The following KCNS3 variants were observed in gnomAD, a reference collection of about 807,000 sequenced individuals.
KCNS3 encodes potassium voltage-gated channel modifier subfamily S member 3, also known as delayed-rectifier potassium channel regulatory subunit KCNS3.
A neutral mutation model predicts 31.0 loss-of-function variants in KCNS3; 13 were observed. The ratio of observed to expected loss-of-function variants is 0.42; its 90% CI spans 0.27 to 0.67. The LOEUF (loss-of-function observed/expected upper bound fraction) is 0.67. Among genes scored for constraint, KCNS3 ranks in the 30% least tolerant of loss-of-function variants. KCNS3 has a pLI of 0.25. For missense variants in KCNS3, 545 were observed against 622.4 expected, an observed-to-expected ratio of 0.88 and a Z score of 1.32; for synonymous variants, 238 against 241.5, an observed-to-expected ratio of 0.99 and a Z score of 0.13.
At chr2:17,919,793 T>G (rs1662672703) in intron 2 of KCNS3, among the ~76,000 whole-genome samples, 1 of 152,124 alleles carries the variant, frequency 6.6e-6, no homozygotes, top group Admixed American at 6.5e-5. Context: ...CCTTCCTCAG[T>G]GGACTGGGCT....
At chr2:17,902,666 A>G (rs1445254509) in intron 1 of KCNS3, among the ~76,000 whole-genome samples, 2 of 152,134 alleles carry the variant, frequency 1.3e-5, no homozygotes, top group African/African-American at 4.8e-5. Context: ...ATGCCTTAAG[A>G]TGGGTAATTT....
Position 17,888,631 on chromosome 2 carries a change from A to ATATCTATATCTATCTATC in KCNS3, c.-252+9828_-252+9829insCTATATCTATCTATCTAT, listed in dbSNP as rs199928504. Among the ~76,000 whole-genome samples, 6 of 30,432 alleles carry ATATCTATATCTATCTATC rather than the reference A, an allele frequency of 2.0e-4. No homozygotes were observed. In the East Asian group the frequency reaches 2.4e-3, roughly 12 times the overall value. The allele number at this position is 30,432 out of a possible 152,430, so 20.0% of individuals were successfully genotyped here. On this transcript the variant is annotated intron_variant, in intron 1 of 2. Coordinates refer to ENST00000304101, the MANE Select transcript of KCNS3 (RefSeq NM_002252.5). ...ACTTAAAGTATAATAAAAAAAATGT[A>ATATCTATATCTATCTATC]TATATATATATATATATATATATAT...
intron 1 of KCNS3, among the ~76,000 whole-genome samples, chr2:17,887,093 A>T (rs1195810033): frequency 7.0e-6 from 1 of 143,576 alleles, no homozygotes; most frequent in Non-Finnish European, 1.5e-5. Context: ...TTATTTTATT[A>T]TTTTTTCTCT....
chr2:17,922,291 T>A (rs1662736259), intron 2 of KCNS3, among the ~76,000 whole-genome samples: 1 of 151,986 alleles, frequency 6.6e-6, no homozygotes, highest in Non-Finnish European at 1.5e-5. Flanking sequence ...AGATCTATTA[T>A]TTTATTATGA....
At position 17,932,598 on chromosome 2, in the gene KCNS3, C is replaced by A; in HGVS notation, c.*114C>A. Reference sequence around the variant, plus strand: ...TTAATTCTCAGGGTGTACCTTTCAGCCATAGTTGGACATTCATTGCTGAAT... The same window carrying A: ...TTAATTCTCAGGGTGTACCTTTCAGACATAGTTGGACATTCATTGCTGAAT... On this transcript the variant is annotated 3_prime_UTR_variant, in exon 3 of 3. Transcript: ENST00000304101. 2 of 1,133,088 alleles carry A rather than the reference C, an allele frequency of 1.8e-6. No individual in the cohort carries two copies. The highest frequency in any genetic ancestry group is 2.5e-6 in the Non-Finnish European group (2 of 803,058). The allele number at this position is 1,133,088 out of a possible 1,614,324, so 70.2% of individuals were successfully genotyped here. A position where few individuals can be genotyped will look rare whatever the true frequency, so the allele number is the denominator to read the frequency against.
At chr2:17,883,171 T>C (rs796761420) in intron 1 of KCNS3, among the ~76,000 whole-genome samples, 14 of 152,348 alleles carry the variant, frequency 9.2e-5, no homozygotes, top group African/African-American at 3.4e-4. Context: ...AAGTGCCAAA[T>C]GAATGAAGTA....
At position 17,930,992 on chromosome 2, in the gene KCNS3, T is replaced by G; in HGVS notation, c.-17T>G. ...TCTTCTCCCTTGCCAGCCAGCACTC[T>G]GCCTTCTGTATCCACCATGGTGTTT... On this transcript the variant is annotated 5_prime_UTR_variant, in exon 3 of 3. Coordinates refer to ENST00000304101, the MANE Select transcript of KCNS3 (RefSeq NM_002252.5). 1 of 1,606,404 alleles carries G rather than the reference T, an allele frequency of 6.2e-7. No homozygotes were observed. Among genetic ancestry groups the G allele is most frequent in the South Asian group, 1.1e-5 (1 of 89,960 alleles).
chr2:17,878,625 A>C (rs1173695237), upstream of KCNS3: 3 of 147,332 alleles, frequency 2.0e-5, no homozygotes, highest in African/African-American at 7.4e-5. Flanking sequence ...CCCCGCCCGC[A>C]GCTCCCGGGA....
chr2:17,921,911 G>GTATATATATATATA (rs781288456), intron 2 of KCNS3, among the ~76,000 whole-genome samples: 3 of 100,432 alleles, frequency 3.0e-5, no homozygotes, highest in African/African-American at 8.1e-5. Context: ...ATGTGTGTGT[G>GTATATATATATATA]TGTGTATATA....
Position 17,932,812 on chromosome 2 carries a change from T to A in KCNS3, c.*328T>A, listed in dbSNP as rs568241961. The stretch of plus-strand genomic sequence containing the variant: ...TCATTTACTCACATTGAGCTAACTT[T>A]AAATTACTGACAAGTAGAATCAAAG... On this transcript the variant is annotated 3_prime_UTR_variant, in exon 3 of 3. Transcript: ENST00000304101. 4.7e-6 allele frequency: 1 copy of A among 214,036 alleles called. No individual in the cohort carries two copies. The highest frequency in any genetic ancestry group is 1.0e-5 in the Non-Finnish European group (1 of 99,614). The allele number at this position is 214,036 out of a possible 1,614,324, so 13.3% of individuals were successfully genotyped here.
intron 1 of KCNS3, among the ~76,000 whole-genome samples, chr2:17,885,939 G>C (rs576141247): frequency 6.6e-6 from 1 of 152,254 alleles, no homozygotes; most frequent in African/African-American, 2.4e-5. Flanking sequence ...AAGAAGGATA[G>C]AGTATCCAGT....
intron 2 of KCNS3, among the ~76,000 whole-genome samples, chr2:17,928,006 C>T (rs1207676671): frequency 6.6e-6 from 1 of 152,176 alleles, no homozygotes; most frequent in Non-Finnish European, 1.5e-5. Flanking sequence ...TACATGTTCT[C>T]AGGATATGCT....
rs372558672 is a variant in KCNS3 at position 17,931,318 on chromosome 2, G to A, written c.310G>A (p.Glu104Lys). ...LCVFSFCQEI[E>K]YWGINELFID... is the part of the protein sequence containing the mutation. ...CGTATTCTCATTCTGCCAGGAGATC[G>A]AGTACTGGGGCATCAACGAGCTCTT... The change falls in exon 3 of 3, where the codon GAG becomes AAG. Residue 104 changes from glutamate to lysine, a missense_variant. Coordinates refer to ENST00000304101, the MANE Select transcript of KCNS3 (RefSeq NM_002252.5). This position sits in a 1 kb window ranked among gnomAD's most constrained non-coding sequence, Gnocchi z 5.4. 3.1e-6 allele frequency: 5 copies of A among 1,614,024 alleles called. No individual in the cohort carries two copies. The highest frequency in any genetic ancestry group is 2.7e-5 in the African/African-American group (2 of 74,920).
At chr2:17,927,343 C>T (rs1662861651) in intron 2 of KCNS3, among the ~76,000 whole-genome samples, 1 of 152,172 alleles carries the variant, frequency 6.6e-6, no homozygotes, top group African/African-American at 2.4e-5. Flanking sequence ...TGGAATCCTC[C>T]AAACTGTTCC....
At chr2:17,900,301 A>C (rs1415752947) in intron 1 of KCNS3, among the ~76,000 whole-genome samples, 1 of 152,134 alleles carries the variant, frequency 6.6e-6, no homozygotes, top group Non-Finnish European at 1.5e-5. Flanking sequence ...AAGTACTCTG[A>C]TGGAGGCAGG....
intron 1 of KCNS3, among the ~76,000 whole-genome samples, chr2:17,880,521 A>G (rs1236208347): frequency 6.6e-6 from 1 of 152,214 alleles, no homozygotes; most frequent in East Asian, 1.9e-4. Flanking sequence ...TGAAGGTGCC[A>G]TAGAACTCTG....
At chr2:17,904,205 G>A (rs1662257517) in intron 1 of KCNS3, among the ~76,000 whole-genome samples, 1 of 152,238 alleles carries the variant, frequency 6.6e-6, no homozygotes, top group Admixed American at 6.5e-5. Flanking sequence ...TTCTCTGATA[G>A]CCAGGGATGA....
At chr2:17,903,509 A>G (rs546757617) in intron 1 of KCNS3, among the ~76,000 whole-genome samples, 5 of 152,066 alleles carry the variant, frequency 3.3e-5, no homozygotes, top group African/African-American at 7.2e-5. Context: ...CACAGTGTGC[A>G]GGTTTGTTAC....
At chr2:17,927,754 T>C (rs912621123) in intron 2 of KCNS3, among the ~76,000 whole-genome samples, 4 of 152,186 alleles carry the variant, frequency 2.6e-5, no homozygotes, top group African/African-American at 4.8e-5. Context: ...GGCATCACAA[T>C]TGGAGATGAG....
Sources: gnomAD v4.1 joint callset for allele counts (sites outside exome capture counted in the v4.1 genomes callset) on GRCh38, gnomAD v4.1.1 for gene constraint, Gnocchi (gnomAD v3.1) non-coding constraint, MANE v1.5 for transcripts, NCBI Gene and HGNC (gene_info 2026-07-23, HGNC 2026-07-21) for gene names.